Variants in PLXDC2 observed in about 807,000 individuals in gnomAD.
PLXDC2 encodes plexin domain containing 2.
Under a neutral mutation model 68.9 loss-of-function variants are expected in PLXDC2, and 40 were observed. The ratio of observed to expected loss-of-function variants is 0.58; its 90% CI spans 0.45 to 0.76. The LOEUF (loss-of-function observed/expected upper bound fraction) is 0.76. PLXDC2 is among the 30% of genes least tolerant of loss of function. The pLI, the probability that PLXDC2 is intolerant of heterozygous loss-of-function variation, is 0.00. For synonymous variants in PLXDC2, 243 were observed against 234.2 expected (o/e 1.04, Z -0.34); for missense variants, 644 against 661.9 (o/e 0.97, Z 0.30).
intron 9 of PLXDC2, among the ~76,000 whole-genome samples, chr10:20,211,065 G>A (rs1021404641): frequency 2.0e-5 from 3 of 152,040 alleles, no homozygotes; most frequent in African/African-American, 4.8e-5. Context: ...CTCAAGACCC[G>A]AGGTAGACAC....
chr10:20,118,869 A>C (rs1833656919), intron 4 of PLXDC2, among the ~76,000 whole-genome samples: 1 of 150,950 alleles, frequency 6.6e-6, no homozygotes, highest in Non-Finnish European at 1.5e-5. Flanking sequence ...TAAATAATTT[A>C]TTTGTAACAA....
At chr10:20,226,348 G>A (rs1835286873) in intron 12 of PLXDC2, among the ~76,000 whole-genome samples, 1 of 152,160 alleles carries the variant, frequency 6.6e-6, no homozygotes, top group African/African-American at 2.4e-5. Flanking sequence ...TTTATGTGTG[G>A]TCCAACACAA....
intron 2 of PLXDC2, among the ~76,000 whole-genome samples, chr10:20,006,619 C>T (rs1255567155): frequency 2.6e-5 from 4 of 152,166 alleles, no homozygotes; most frequent in Non-Finnish European, 5.9e-5. Flanking sequence ...CAACACAAGA[C>T]AATAGCATGT....
intron 12 of PLXDC2, among the ~76,000 whole-genome samples, chr10:20,244,844 G>A (rs1045877860): frequency 6.6e-5 from 10 of 152,124 alleles, no homozygotes; most frequent in South Asian, 6.2e-4. Flanking sequence ...GGCCAGGTGC[G>A]GTGGCTCACG....
intron 8 of PLXDC2, 23 bp downstream of exon 8, chr10:20,177,117 G>A (rs894584473): frequency 1.9e-6 from 3 of 1,540,318 alleles, no homozygotes; most frequent in Non-Finnish European, 2.7e-6. Context: ...GTAAACCTAG[G>A]TGGAAAACAT....
intron 1 of PLXDC2, among the ~76,000 whole-genome samples, chr10:19,907,605 T>G (rs1418117753): frequency 1.3e-5 from 2 of 152,218 alleles, no homozygotes; most frequent in African/African-American, 4.8e-5. Flanking sequence ...ATACCATACC[T>G]TATTATATTA....
chr10:19,918,073 A>G (rs1167345792), intron 1 of PLXDC2, among the ~76,000 whole-genome samples: 1 of 152,204 alleles, frequency 6.6e-6, no homozygotes, highest in Admixed American at 6.5e-5. Flanking sequence ...CTAAGTTCCC[A>G]CACTCCATTT....
intron 1 of PLXDC2, among the ~76,000 whole-genome samples, chr10:19,971,930 G>C (rs1300112115): frequency 6.6e-6 from 1 of 152,050 alleles, no homozygotes; most frequent in East Asian, 1.9e-4. Flanking sequence ...TGATTGGGCA[G>C]GGGCGGCTAA....
At chr10:20,059,115 C>A (rs1836054159) in intron 3 of PLXDC2, among the ~76,000 whole-genome samples, 1 of 152,116 alleles carries the variant, frequency 6.6e-6, no homozygotes, top group Admixed American at 6.5e-5. Context: ...TTCATTTGCA[C>A]CTCGAGGTTT....
intron 1 of PLXDC2, among the ~76,000 whole-genome samples, chr10:19,968,540 T>C (rs1834301831): frequency 6.6e-6 from 1 of 152,152 alleles, no homozygotes; most frequent in African/African-American, 2.4e-5. Flanking sequence ...CTCGAACTCC[T>C]GGACTCAAGT....
At chr10:20,044,234 TTTC>T (rs1835749585) in intron 2 of PLXDC2, among the ~76,000 whole-genome samples, 1 of 90,838 alleles carries the variant, frequency 1.1e-5, no homozygotes, top group Non-Finnish European at 2.1e-5. Context: ...TCTTTCTTTC[TTTC>T]TTTCTTTCTT....
At chr10:20,114,422 G>C (rs1833596930) in intron 4 of PLXDC2, among the ~76,000 whole-genome samples, 1 of 152,218 alleles carries the variant, frequency 6.6e-6, no homozygotes, top group South Asian at 2.1e-4. Context: ...ATCAATGTCA[G>C]ACGCTGTGTT....
At chr10:20,248,945 A>C (rs1391545750) in intron 13 of PLXDC2, among the ~76,000 whole-genome samples, 1 of 152,202 alleles carries the variant, frequency 6.6e-6, no homozygotes, top group Non-Finnish European at 1.5e-5. Context: ...AAATTGAGAC[A>C]ATGCAGAAAT....
intron 1 of PLXDC2, among the ~76,000 whole-genome samples, chr10:19,931,742 G>A (rs913588062): frequency 2.6e-5 from 4 of 152,236 alleles, no homozygotes; most frequent in Non-Finnish European, 5.9e-5. Flanking sequence ...GGTTTGGCAG[G>A]AGGAAAAGGC....
chr10:19,934,318 A>G (rs1350323020), intron 1 of PLXDC2, among the ~76,000 whole-genome samples: 1 of 152,258 alleles, frequency 6.6e-6, no homozygotes, highest in Non-Finnish European at 1.5e-5. Context: ...AGTTAAAATT[A>G]CTTTGAGGAT....
At chr10:19,910,591 CTTTT>C (rs1006322581) in intron 1 of PLXDC2, among the ~76,000 whole-genome samples, 1 of 92,558 alleles carries the variant, frequency 1.1e-5, no homozygotes, top group African/African-American at 4.3e-5. Context: ...TAAGTGGTTG[CTTTT>C]TTTTTTTTTT....
intron 2 of PLXDC2, among the ~76,000 whole-genome samples, chr10:20,039,743 A>T (rs748918579): frequency 6.6e-6 from 1 of 152,222 alleles, no homozygotes; most frequent in Non-Finnish European, 1.5e-5. Flanking sequence ...TGTGTTTATT[A>T]TAAAAAAATT....
intron 2 of PLXDC2, among the ~76,000 whole-genome samples, chr10:20,014,428 T>G (rs1589586513): frequency 7.2e-6 from 1 of 138,942 alleles, no homozygotes; most frequent in East Asian, 2.5e-4. Context: ...CCTTCCTTCC[T>G]TCTTTCCTTC....
At chr10:20,110,814 T>A (rs1177360825) in intron 4 of PLXDC2, among the ~76,000 whole-genome samples, 1 of 152,212 alleles carries the variant, frequency 6.6e-6, no homozygotes, top group Non-Finnish European at 1.5e-5. Context: ...TACAATTATC[T>A]TTGTTTCGTT....
Sources: allele counts gnomAD v4.1 joint callset (sites outside exome capture counted in the v4.1 genomes callset), GRCh38; gene constraint gnomAD v4.1.1; transcripts MANE v1.5; gene names NCBI Gene and HGNC (gene_info 2026-07-23, HGNC 2026-07-21).